COP1: variants seen among roughly 807,000 people sequenced by gnomAD.
COP1 encodes the protein E3 ubiquitin-protein ligase COP1.
Under a neutral mutation model 101.3 loss-of-function variants are expected in COP1, and 24 were observed. The observed-to-expected ratio is 0.24, with a 90% CI of 0.17 to 0.33. The LOEUF (loss-of-function observed/expected upper bound fraction) is 0.33. Among genes scored for constraint, COP1 ranks in the 10% least tolerant of loss-of-function variants. The pLI, the probability that COP1 is intolerant of heterozygous loss-of-function variation, is 1.00. For missense variants in COP1, 663 were observed against 906.2 expected, an observed-to-expected ratio of 0.73 and a Z score of 3.45; for synonymous variants, 347 against 341.9, an observed-to-expected ratio of 1.01 and a Z score of -0.17.
chr1:176,171,638 A>G (rs1696080100), intron 3 of COP1, among the ~76,000 whole-genome samples: 1 of 152,206 alleles, frequency 6.6e-6, no homozygotes, highest in Non-Finnish European at 1.5e-5. Flanking sequence ...GTAGTGGAAA[A>G]GTGGCATCAA....
intron 8 of COP1, among the ~76,000 whole-genome samples, chr1:176,122,740 A>G (rs1687353522): frequency 6.6e-6 from 1 of 152,214 alleles, no homozygotes; most frequent in Non-Finnish European, 1.5e-5. Context: ...ATTACATAAT[A>G]ATTCTGAAAC....
intron 11 of COP1, among the ~76,000 whole-genome samples, chr1:176,078,875 C>G (rs763670662): frequency 6.6e-6 from 1 of 151,948 alleles, no homozygotes; most frequent in Non-Finnish European, 1.5e-5. Flanking sequence ...AAGTCGCCAA[C>G]AAGCATATGA....
rs909183157 is a variant in COP1, at chr1:176,194,530, A to T, written c.408-9838T>A. 1.7e-4 allele frequency among the ~76,000 whole-genome samples: 26 copies of T among 152,080 alleles called. 1 individual carries two copies. The highest frequency in any genetic ancestry group is 1.1e-3 in the Admixed American group (17 of 15,280). On this transcript the variant is annotated intron_variant, in intron 1 of 19. Transcript: ENST00000367669. ...GCATGAGCCTATAATCCCAGCTACT[A>T]GGGAGGCTGAGGCAGGAGAATCACT...
At chr1:176,115,817 C>G (rs1686095197) in intron 9 of COP1, among the ~76,000 whole-genome samples, 1 of 152,090 alleles carries the variant, frequency 6.6e-6, no homozygotes, top group African/African-American at 2.4e-5. Context: ...ATAAGCTTGA[C>G]AGATATCAGT....
intron 9 of COP1, among the ~76,000 whole-genome samples, chr1:176,104,899 A>G (rs1684054580): frequency 6.6e-6 from 1 of 152,202 alleles, no homozygotes; most frequent in Admixed American, 6.5e-5. Flanking sequence ...TTGTCATTAT[A>G]TAACAAAGTG....
intron 9 of COP1, among the ~76,000 whole-genome samples, chr1:176,095,640 C>T (rs1481759426): frequency 6.7e-6 from 1 of 148,506 alleles, no homozygotes. Flanking sequence ...GATCCTGCCA[C>T]AGCACTCCCG....
chr1:176,039,957 C>A (rs772934438), intron 14 of COP1, among the ~76,000 whole-genome samples: 7 of 151,986 alleles, frequency 4.6e-5, no homozygotes, highest in Non-Finnish European at 8.8e-5. Context: ...TATAAAAAAT[C>A]TTTAAAAACA....
At chr1:175,999,929 C>T (rs1273995201) in intron 15 of COP1, among the ~76,000 whole-genome samples, 2 of 151,984 alleles carry the variant, frequency 1.3e-5, no homozygotes, top group African/African-American at 4.8e-5. Flanking sequence ...TCTATTCAAA[C>T]CTTTTACCCA....
Position 175,955,769 on chromosome 1 carries a change from C to CACACACACACACAA in COP1, c.2134-8531_2134-8530insTTGTGTGTGTGTGT, listed in dbSNP as rs1319620443. ...GCATGAATCATTTAGAGACAAACCA[C>CACACACACACACAA]ACACACACACACACACACACACACA... On this transcript the variant is annotated intron_variant, in intron 18 of 19. Coordinates refer to ENST00000367669, the MANE Select transcript of COP1 (RefSeq NM_022457.7). 1.9e-3 allele frequency among the ~76,000 whole-genome samples: 287 copies of CACACACACACACAA among 148,408 alleles called. 3 individuals are homozygous for CACACACACACACAA. Among genetic ancestry groups the CACACACACACACAA allele is most frequent in the African/African-American group, 6.4e-3 (261 of 40,888 alleles).
chr1:176,057,032 T>C (rs960810653), intron 11 of COP1, among the ~76,000 whole-genome samples: 9 of 152,208 alleles, frequency 5.9e-5, no homozygotes, highest in African/African-American at 1.4e-4. Flanking sequence ...CTCATCCTTA[T>C]GCAAATGAAA....
intron 17 of COP1, 34 bp from the exon 18 acceptor site, chr1:175,987,137 T>C (rs950684637): frequency 6.7e-6 from 8 of 1,189,566 alleles, no homozygotes; most frequent in Admixed American, 2.6e-5. Context: ...TATTTTAGAA[T>C]AGAAAAACTC....
intron 15 of COP1, among the ~76,000 whole-genome samples, chr1:176,016,893 A>T: frequency 6.6e-6 from 1 of 152,192 alleles, no homozygotes; most frequent in East Asian, 1.9e-4. Context: ...ACATTAGGTA[A>T]ATGTTTAAGG....
chr1:176,169,685 G>C (rs972358299), intron 3 of COP1, among the ~76,000 whole-genome samples: 1 of 152,308 alleles, frequency 6.6e-6, no homozygotes, highest in South Asian at 2.1e-4. Context: ...TGCTGGTAGA[G>C]AGTCTTGCCT....
intron 8 of COP1, among the ~76,000 whole-genome samples, chr1:176,131,680 T>C (rs1485731631): frequency 2.0e-5 from 3 of 151,878 alleles, no homozygotes; most frequent in Non-Finnish European, 4.4e-5. Context: ...CTACATACTA[T>C]TGCTTAAAGA....
intron 1 of COP1, among the ~76,000 whole-genome samples, chr1:176,199,285 C>T (rs571895507): frequency 6.6e-6 from 1 of 152,156 alleles, no homozygotes; most frequent in East Asian, 1.9e-4. Context: ...CCACTGCACT[C>T]CAGCTGGGGC....
At chr1:176,136,432 A>G in intron 7 of COP1, 56 bp downstream of exon 7, 1 of 1,193,868 alleles carries the variant, frequency 8.4e-7, no homozygotes, top group Admixed American at 1.8e-5. Context: ...TGGAAAGGTG[A>G]CAATTTCATG....
intron 1 of COP1, among the ~76,000 whole-genome samples, chr1:176,203,539 C>T (rs985243511): frequency 6.6e-6 from 1 of 152,114 alleles, no homozygotes; most frequent in Non-Finnish European, 1.5e-5. Flanking sequence ...CTTTCAAATA[C>T]AGACCAGACT....
intron 15 of COP1, among the ~76,000 whole-genome samples, chr1:175,994,870 G>A (rs1200697350): frequency 4.6e-5 from 7 of 152,122 alleles, no homozygotes; most frequent in Admixed American, 1.3e-4. Flanking sequence ...TCCAGGAATT[G>A]AACTCAGCTC....
chr1:176,148,668 C>T (rs952262707), intron 6 of COP1, among the ~76,000 whole-genome samples: 2 of 152,024 alleles, frequency 1.3e-5, no homozygotes, highest in Non-Finnish European at 1.5e-5. Context: ...TATATCCTAC[C>T]TAAGGCTTTA....
Sources: allele counts gnomAD v4.1 joint callset (sites outside exome capture counted in the v4.1 genomes callset), GRCh38; gene constraint gnomAD v4.1.1; transcripts MANE v1.5; gene names NCBI Gene and HGNC (gene_info 2026-07-23, HGNC 2026-07-21).